SORCS1: variants seen among roughly 807,000 people sequenced by gnomAD.
The protein encoded by SORCS1 is VPS10 domain-containing receptor SorCS1.
In SORCS1, 60 loss-of-function variants were observed where a neutral mutation model predicts 146.1. That is an observed-to-expected ratio of 0.41 (90% CI 0.33 to 0.51). The LOEUF (loss-of-function observed/expected upper bound fraction) is 0.51, where lower values mean the gene tolerates loss of function less well. Ranked by LOEUF, SORCS1 falls within the 20% of genes least tolerant of loss-of-function variation. The pLI is 0.21. For synonymous variants in SORCS1, 637 were observed against 584.0 expected (o/e 1.09, Z -1.31); for missense variants, 1,352 against 1,487.6 (o/e 0.91, Z 1.50).
intron 1 of SORCS1, among the ~76,000 whole-genome samples, chr10:107,063,315 G>C (rs1046696491): frequency 6.6e-6 from 1 of 152,100 alleles, no homozygotes; most frequent in Non-Finnish European, 1.5e-5. Flanking sequence ...AAATAAAACT[G>C]TTTTAGAAAA....
intron 5 of SORCS1, among the ~76,000 whole-genome samples, chr10:106,755,223 C>T (rs1858544664): frequency 6.6e-6 from 1 of 152,168 alleles, no homozygotes; most frequent in Non-Finnish European, 1.5e-5. Flanking sequence ...AAGTGCTAAA[C>T]TAAAATACAA....
At chr10:107,005,677 T>C (rs994637506) in intron 1 of SORCS1, among the ~76,000 whole-genome samples, 2 of 152,222 alleles carry the variant, frequency 1.3e-5, no homozygotes, top group South Asian at 2.1e-4. Flanking sequence ...CTGTACCCTA[T>C]GTATTTTCCA....
chr10:107,138,376 A>C (rs543903617), intron 1 of SORCS1, among the ~76,000 whole-genome samples: 3 of 152,304 alleles, frequency 2.0e-5, no homozygotes, highest in East Asian at 3.9e-4. Context: ...CTTTACGAGG[A>C]TCTATCTGTC....
intron 1 of SORCS1, among the ~76,000 whole-genome samples, chr10:107,067,987 A>G (rs1962047329): frequency 6.6e-6 from 1 of 152,178 alleles, no homozygotes; most frequent in South Asian, 2.1e-4. Context: ...AGAAAAATAA[A>G]CAGAAACGCT....
chr10:106,619,873 T>A (rs1324495207), intron 20 of SORCS1, among the ~76,000 whole-genome samples: 1 of 152,230 alleles, frequency 6.6e-6, no homozygotes, highest in Admixed American at 6.5e-5. Context: ...AAGTTAAAGC[T>A]GACCTAAATA....
Position 107,060,986 on chromosome 10 carries a change from T to C in SORCS1, c.558+102983A>G, listed in dbSNP as rs1961160657. 6.6e-6 allele frequency among the ~76,000 whole-genome samples: 1 copy of C among 152,212 alleles called. No homozygotes were observed. Among genetic ancestry groups the C allele is most frequent in the African/African-American group, 2.4e-5 (1 of 41,472 alleles). On this transcript the variant is annotated intron_variant, in intron 1 of 25. Transcript: ENST00000263054. This position sits in a 1 kb window ranked among gnomAD's most constrained non-coding sequence, Gnocchi z 4.1. ...AATAAAAAAATTTATCTTCTGTTTC[T>C]ACTCCAGCCAGATATATCTATGAGT...
At chr10:107,112,823 T>C (rs1397853573) in intron 1 of SORCS1, among the ~76,000 whole-genome samples, 2 of 152,126 alleles carry the variant, frequency 1.3e-5, no homozygotes, top group Non-Finnish European at 2.9e-5. Flanking sequence ...TGTAAATATA[T>C]ATGCACTCAA....
At chr10:106,754,027 TAC>T (rs922745744) in intron 5 of SORCS1, among the ~76,000 whole-genome samples, 1 of 152,240 alleles carries the variant, frequency 6.6e-6, no homozygotes, top group African/African-American at 2.4e-5. Context: ...GGATAATGGG[TAC>T]CTCTTGTTGA....
intron 5 of SORCS1, among the ~76,000 whole-genome samples, chr10:106,757,873 A>G (rs72823238): frequency 0.22 from 33,684 of 152,116 alleles, 4,719 homozygotes; most frequent in East Asian, 0.48. Flanking sequence ...CCAGCTGGGT[A>G]ACTTTAGCCA....
At chr10:106,773,282 A>G (rs1411213977) in intron 4 of SORCS1, among the ~76,000 whole-genome samples, 4 of 152,198 alleles carry the variant, frequency 2.6e-5, no homozygotes, top group Non-Finnish European at 5.9e-5. Context: ...GCCAGCCAAC[A>G]CCAGCACATG....
At chr10:106,953,972 GA>G (rs1954820369) in intron 2 of SORCS1, among the ~76,000 whole-genome samples, 1 of 152,206 alleles carries the variant, frequency 6.6e-6, no homozygotes. Context: ...CTTCAGAAGG[GA>G]AGCCTGATAC....
chr10:106,922,514 A>AT (rs987556099), intron 2 of SORCS1, among the ~76,000 whole-genome samples: 20 of 152,174 alleles, frequency 1.3e-4, no homozygotes, highest in East Asian at 1.2e-3. Flanking sequence ...CATTTTGGGG[A>AT]TTTTTTTTAT....
chr10:107,130,780 T>TA (rs1368099123), intron 1 of SORCS1, among the ~76,000 whole-genome samples: 1 of 152,068 alleles, frequency 6.6e-6, no homozygotes, highest in Non-Finnish European at 1.5e-5. Flanking sequence ...TAATTGGAAT[T>TA]AAAAAATACA....
intron 1 of SORCS1, among the ~76,000 whole-genome samples, chr10:107,155,567 C>A (rs1206204109): frequency 6.6e-6 from 1 of 152,196 alleles, no homozygotes; most frequent in East Asian, 1.9e-4. Context: ...AATTTCTAAA[C>A]CAGGGTGCTG....
intron 1 of SORCS1, among the ~76,000 whole-genome samples, chr10:107,015,911 ATC>A (rs1388230212): frequency 2.0e-5 from 3 of 152,336 alleles, no homozygotes; most frequent in African/African-American, 7.2e-5. Context: ...GGACACTAAA[ATC>A]TCTGACTTTA....
At chr10:106,866,098 C>T (rs1024727804) in intron 2 of SORCS1, among the ~76,000 whole-genome samples, 6 of 152,062 alleles carry the variant, frequency 3.9e-5, no homozygotes, top group Admixed American at 1.3e-4. Context: ...ACTGGCCACC[C>T]CCGACTAGGG....
At chr10:107,149,870 A>G (rs1968627637) in intron 1 of SORCS1, among the ~76,000 whole-genome samples, 1 of 152,230 alleles carries the variant, frequency 6.6e-6, no homozygotes, top group East Asian at 1.9e-4. Flanking sequence ...CCCAAGACCC[A>G]AGATATGAAG....
At chr10:106,957,894 G>C (rs1482311789) in intron 1 of SORCS1, among the ~76,000 whole-genome samples, 1 of 152,198 alleles carries the variant, frequency 6.6e-6, no homozygotes, top group Non-Finnish European at 1.5e-5. Flanking sequence ...GATTTTGTCT[G>C]ACGCCAGAAG....
At chr10:106,658,785 C>T (rs192874149) in intron 17 of SORCS1, among the ~76,000 whole-genome samples, 13 of 152,294 alleles carry the variant, frequency 8.5e-5, no homozygotes, top group Non-Finnish European at 1.3e-4. Context: ...TACAGGGCTA[C>T]GATGGCATGG....
Sources: allele counts gnomAD v4.1 joint callset (sites outside exome capture counted in the v4.1 genomes callset), GRCh38; gene constraint gnomAD v4.1.1; non-coding constraint Gnocchi (gnomAD v3.1); transcripts MANE v1.5; gene names NCBI Gene and HGNC (gene_info 2026-07-23, HGNC 2026-07-21).